The following EEF2K variants were observed in gnomAD, a reference collection of about 807,000 sequenced individuals.
EEF2K encodes the protein alternative protein EEF2K.
EEF2K carries 70 observed loss-of-function variants against 93.8 expected under a neutral mutation model. The ratio of observed to expected loss-of-function variants is 0.75; its 90% CI spans 0.62 to 0.91. The LOEUF (loss-of-function observed/expected upper bound fraction) is 0.91. Ranked by LOEUF, EEF2K falls within the 40% of genes least tolerant of loss-of-function variation. The pLI is 0.00. For synonymous variants in EEF2K, 376 were observed against 380.8 expected (o/e 0.99, Z 0.15); for missense variants, 935 against 972.9 (o/e 0.96, Z 0.52).
rs184797021 is a variant in EEF2K, at chr16:22,244,774, C to T, written c.347+44C>T. 395 of 1,596,092 alleles carry T rather than the reference C, an allele frequency of 2.5e-4. 6 individuals carry two copies. The East Asian group carries it at 3.5e-3, about 14-fold the overall frequency. On this transcript the variant is annotated intron_variant, in intron 3 of 17. Coordinates refer to ENST00000263026, the MANE Select transcript of EEF2K (RefSeq NM_013302.5). ...GTCTCGAGGAGTCCTGGGGGCTATA[C>T]GTCCAGCTTCTGTTCCCAATCAGTG...
chr16:22,232,891 T>TTTTTTTTTTTTTTTTTTTTTTTTTTTG (rs2047130062), intron 2 of EEF2K, among the ~76,000 whole-genome samples: 1 of 151,128 alleles, frequency 6.6e-6, no homozygotes, highest in African/African-American at 2.4e-5. Flanking sequence ...GTTTTTTTTT[T>TTTTTTTTTTTTTTTTTTTTTTTTTTTG]AACGCACTGT....
Position 22,215,379 on chromosome 16 carries a change from G to T in EEF2K, c.-77+8700G>T, listed in dbSNP as rs117109366. Among the ~76,000 whole-genome samples the T allele has an allele frequency of 3.1e-3, 472 of 152,290 alleles. 2 individuals are homozygous for T. The highest frequency in any genetic ancestry group is 4.3e-3 in the Non-Finnish European group (293 of 68,020). ...ATAGATACAAGGGCAAGGAGGTGAG[G>T]AGAGTTTGGTGGTGCATGGAGATTG... On this transcript the variant is annotated intron_variant, in intron 1 of 17. Coordinates refer to ENST00000263026, the MANE Select transcript of EEF2K (RefSeq NM_013302.5).
intron 17 of EEF2K, 134 bp from the exon 18 acceptor site, chr16:22,283,753 G>GA: frequency 1.2e-6 from 1 of 814,070 alleles, no homozygotes; most frequent in Non-Finnish European, 2.0e-6. Context: ...CACCTGGAGG[G>GA]AGAGGGCACA....
At chr16:22,236,950 TTTTTTTTTTTTTG>T in intron 2 of EEF2K, among the ~76,000 whole-genome samples, 1 of 128,652 alleles carries the variant, frequency 7.8e-6, no homozygotes, top group African/African-American at 2.9e-5. Flanking sequence ...TTTTTTTTTT[TTTTTTTTTTTTTG>T]AGACAGAGTC....
In EEF2K at chr16:22,251,162, C is replaced by T; in HGVS notation, c.458C>T (p.Ser153Phe). ...MRECFRTKKL[S>F]NFLHAQQWKG... ...GCCTCTTCCCACAGGAAGAAGCTCT[C>T]CAACTTCTTGCATGCCCAGCAGTGG... Residue 153 changes from serine (S) to phenylalanine (F), a missense_variant, in exon 6 of 18, where the codon TCC (serine) becomes TTC (phenylalanine). By Grantham distance (155) the Ser-to-Phe change is radical. Transcript: ENST00000263026. The T allele has an allele frequency of 6.2e-7, 1 of 1,613,830 alleles. No homozygotes were observed.
intron 1 of EEF2K, among the ~76,000 whole-genome samples, chr16:22,223,528 G>A (rs1478083860): frequency 1.3e-5 from 2 of 152,090 alleles, no homozygotes; most frequent in Non-Finnish European, 2.9e-5. Context: ...TAATTTTTGG[G>A]TATGGCGTAA....
At chr16:22,277,129 T>C (rs1317276360) in intron 16 of EEF2K, among the ~76,000 whole-genome samples, 1 of 152,162 alleles carries the variant, frequency 6.6e-6, no homozygotes, top group Admixed American at 6.6e-5. Flanking sequence ...ATTTTTTAAA[T>C]TTAACTTTTA....
At chr16:22,237,466 T>C (rs940511447) in intron 2 of EEF2K, among the ~76,000 whole-genome samples, 2 of 151,812 alleles carry the variant, frequency 1.3e-5, no homozygotes, top group Non-Finnish European at 2.9e-5. Context: ...GGTGAAACTC[T>C]GTCTCTACAA....
chr16:22,248,387 C>T (rs2047316152), intron 3 of EEF2K, among the ~76,000 whole-genome samples: 1 of 152,042 alleles, frequency 6.6e-6, no homozygotes, highest in African/African-American at 2.4e-5. Flanking sequence ...AGCATCCACA[C>T]ACACTGGGTC....
intron 17 of EEF2K, 32 bp from the exon 18 acceptor site, chr16:22,283,855 A>C (rs1185791577): frequency 6.4e-7 from 1 of 1,554,598 alleles, no homozygotes; most frequent in African/African-American, 1.4e-5. Context: ...CAGGTGGTTC[A>C]CCTCTTTTTG....
intron 13 of EEF2K, among the ~76,000 whole-genome samples, chr16:22,265,497 G>A (rs1347285248): frequency 6.6e-6 from 1 of 152,094 alleles, no homozygotes; most frequent in African/African-American, 2.4e-5. Context: ...AGGGCCCCTC[G>A]TCCAGGAGCC....
In EEF2K at chr16:22,287,761, G is replaced by A. The variant is rs2047765294; in HGVS notation, c.*3765G>A. 6.6e-6 allele frequency: 1 copy of A among 152,140 alleles called. No homozygotes were observed. The highest frequency in any genetic ancestry group is 1.5e-5 in the Non-Finnish European group (1 of 68,020). The allele number at this position is 152,140 out of a possible 1,614,324, so 9.4% of individuals were successfully genotyped here. ...TCTGTTCTCCCCCTGACCACTCTGG[G>A]AATTTATCAAATGCAGCTTTGACCT... On this transcript the variant is annotated 3_prime_UTR_variant, in exon 18 of 18. Coordinates refer to ENST00000263026, the MANE Select transcript of EEF2K (RefSeq NM_013302.5).
At position 22,264,808 on chromosome 16, in the gene EEF2K, C is replaced by T. The variant is rs746066548; in HGVS notation, c.1378-10C>T. 3 of 1,613,818 alleles carry T rather than the reference C, an allele frequency of 1.9e-6. No homozygotes were observed. Among genetic ancestry groups the T allele is most frequent in the Non-Finnish European group, 2.5e-6 (3 of 1,179,846 alleles). ...CGCTTTGGATCAGTGTAATTTCTTC[C>T]TCCGTTCAGGGCCACTCATACAGTA... On this transcript the variant is annotated splice_polypyrimidine_tract_variant and intron_variant, in intron 12 of 17. Coordinates refer to ENST00000263026, the MANE Select transcript of EEF2K (RefSeq NM_013302.5).
At chr16:22,281,608 A>G (rs970208395) in intron 17 of EEF2K, among the ~76,000 whole-genome samples, 1 of 152,136 alleles carries the variant, frequency 6.6e-6, no homozygotes, top group African/African-American at 2.4e-5. Flanking sequence ...GAACATTTCC[A>G]TCACCCCAAA....
chr16:22,246,313 G>A (rs985357177), intron 3 of EEF2K, among the ~76,000 whole-genome samples: 4 of 151,918 alleles, frequency 2.6e-5, no homozygotes, highest in African/African-American at 9.7e-5. Context: ...CTTGAGGTCA[G>A]GAGTTCGAGA....
intron 16 of EEF2K, among the ~76,000 whole-genome samples, chr16:22,275,389 C>T (rs2047624631): frequency 6.6e-6 from 1 of 151,990 alleles, no homozygotes; most frequent in Non-Finnish European, 1.5e-5. Flanking sequence ...GTCAAACAGG[C>T]TTGAATGCAC....
At chr16:22,278,521 A>G (rs937876258) in intron 16 of EEF2K, among the ~76,000 whole-genome samples, 2 of 152,138 alleles carry the variant, frequency 1.3e-5, no homozygotes, top group African/African-American at 4.8e-5. Flanking sequence ...AATGGATGGC[A>G]GCCGGTGAGC....
At chr16:22,227,985 C>T (rs1384342747) in intron 2 of EEF2K, among the ~76,000 whole-genome samples, 1 of 145,500 alleles carries the variant, frequency 6.9e-6, no homozygotes, top group African/African-American at 2.5e-5. Flanking sequence ...GTAGTTACAG[C>T]TATGAAGGAT....
At position 22,225,887 on chromosome 16, in the gene EEF2K, A is replaced by T; in HGVS notation, c.158A>T (p.Asn53Ile). ...TDDPSSNQNV[N>I]SKVNKYYSNL... ...GACCCAAGCTCGAACCAGAATGTCA[A>T]TTCCAAGGTTAATAAGTACTACAGC... The change falls in exon 2 of 18, where the codon AAT (asparagine) becomes ATT (isoleucine). Residue 53 changes from asparagine to isoleucine, a missense_variant. Coordinates refer to ENST00000263026, the MANE Select transcript of EEF2K (RefSeq NM_013302.5). 3 of 1,614,196 alleles carry T rather than the reference A, an allele frequency of 1.9e-6. No individual in the cohort carries two copies. The highest frequency in any genetic ancestry group is 2.5e-6 in the Non-Finnish European group (3 of 1,180,040).
Sources: allele counts gnomAD v4.1 joint callset (sites outside exome capture counted in the v4.1 genomes callset), GRCh38; gene constraint gnomAD v4.1.1; transcripts MANE v1.5; gene names NCBI Gene and HGNC (gene_info 2026-07-23, HGNC 2026-07-21).